KGD4: variants seen among roughly 807,000 people sequenced by gnomAD.
The protein encoded by KGD4 is alpha-ketoglutarate dehydrogenase subunit 4.
chr5:69,221,133 A>G, the KGD4 span, among the ~76,000 whole-genome samples: 1 of 151,454 alleles, frequency 6.6e-6, no homozygotes, highest in Non-Finnish European at 1.5e-5. Flanking sequence ...CTATTATCCT[A>G]TGACCCTGCC....
At chr5:69,222,604 T>G in the KGD4 span, among the ~76,000 whole-genome samples, 1 of 152,160 alleles carries the variant, frequency 6.6e-6, no homozygotes, top group African/African-American at 2.4e-5. Context: ...AGAGGGAGTC[T>G]CATCTTCTTG....
At chr5:69,223,422 G>A in the KGD4 span, among the ~76,000 whole-genome samples, 42 of 144,672 alleles carry the variant, frequency 2.9e-4, no homozygotes, top group African/African-American at 1.0e-3. Flanking sequence ...ATTTTATGGT[G>A]AGGGAGAGAA....
chr5:69,217,979 C>T, the KGD4 span: 1 of 1,580,340 alleles, frequency 6.3e-7, no homozygotes, highest in Non-Finnish European at 8.7e-7. Context: ...GGTGACCGCG[C>T]CTCTGCGGAG....
At chr5:69,218,171 A>G in the KGD4 span, 2 of 451,812 alleles carry the variant, frequency 4.4e-6, no homozygotes, top group Non-Finnish European at 7.9e-6. Flanking sequence ...TGTTAGTCTT[A>G]GGCGTGTGCG....
chr5:69,229,215 G>T, the KGD4 span: 2 of 1,609,870 alleles, frequency 1.2e-6, no homozygotes, highest in Non-Finnish European at 1.7e-6. Flanking sequence ...CAGCGTGGAG[G>T]TCCTGAATAA....
chr5:69,220,257 A>G, the KGD4 span, among the ~76,000 whole-genome samples: 1 of 151,848 alleles, frequency 6.6e-6, no homozygotes, highest in Non-Finnish European at 1.5e-5. Flanking sequence ...CATAGAGCTT[A>G]GAATTTGGTT....
chr5:69,223,894 G>A, the KGD4 span, among the ~76,000 whole-genome samples: 4 of 151,778 alleles, frequency 2.6e-5, no homozygotes, highest in Admixed American at 6.6e-5. Flanking sequence ...TTAGCCGGGT[G>A]TGGTGGCGGG....
chr5:69,217,911 G>A, the KGD4 span: 2 of 1,614,070 alleles, frequency 1.2e-6, no homozygotes, highest in Admixed American at 3.3e-5. Context: ...TGGGCGGTAG[G>A]GACGGTGCTG....
chr5:69,226,305 G>A, the KGD4 span: 2 of 1,435,322 alleles, frequency 1.4e-6, no homozygotes, highest in East Asian at 4.6e-5. Flanking sequence ...TAGTTAATGA[G>A]ATTGTTTTTC....
chr5:69,227,216 C>A, the KGD4 span, among the ~76,000 whole-genome samples: 114 of 152,256 alleles, frequency 7.5e-4, no homozygotes, highest in Admixed American at 3.9e-3. Context: ...GAAGATGTCT[C>A]TGAATTTCTA....
At chr5:69,222,950 A>AT in the KGD4 span, among the ~76,000 whole-genome samples, 1 of 136,096 alleles carries the variant, frequency 7.3e-6, no homozygotes, top group East Asian at 2.3e-4. Context: ...TAATTTTTTT[A>AT]TTTTTTTAGT....
chr5:69,218,935 G>T, the KGD4 span, among the ~76,000 whole-genome samples: 1 of 152,254 alleles, frequency 6.6e-6, no homozygotes, highest in Non-Finnish European at 1.5e-5. Context: ...ACTGACAAAG[G>T]TCTGTTATCC....
At chr5:69,223,110 G>T in the KGD4 span, among the ~76,000 whole-genome samples, 1 of 76,780 alleles carries the variant, frequency 1.3e-5, no homozygotes, top group Admixed American at 2.1e-4. Flanking sequence ...ACAAAGTCTT[G>T]CTCTTTCACC....
the KGD4 span, among the ~76,000 whole-genome samples, chr5:69,225,567 C>CT: frequency 0.092 from 11,051 of 120,254 alleles, 756 homozygotes; most frequent in South Asian, 0.15. Context: ...GCTCAGCCAC[C>CT]TTTTTTTTTT....
the KGD4 span, chr5:69,230,082 C>A: frequency 6.6e-6 from 1 of 151,744 alleles, no homozygotes; most frequent in Non-Finnish European, 1.5e-5. Context: ...TTTAATGGGG[C>A]CCCTCCTGTG....
chr5:69,229,087 A>T, the KGD4 span: 1 of 815,696 alleles, frequency 1.2e-6, no homozygotes, highest in Non-Finnish European at 2.0e-6. Flanking sequence ...CTAATTCAAA[A>T]CTATTTTTTA....
the KGD4 span, chr5:69,218,009 G>C: frequency 8.6e-6 from 12 of 1,395,688 alleles, no homozygotes; most frequent in Admixed American, 2.0e-4. Flanking sequence ...CGGCGCCCGC[G>C]GGTGTGTGTG....
chr5:69,224,783 A>T, the KGD4 span, among the ~76,000 whole-genome samples: 1 of 152,034 alleles, frequency 6.6e-6, no homozygotes, highest in Non-Finnish European at 1.5e-5. Context: ...TTAAAAAGTC[A>T]GTAAATTTCT....
At chr5:69,225,859 G>A in the KGD4 span, among the ~76,000 whole-genome samples, 174 of 152,250 alleles carry the variant, frequency 1.1e-3, 1 homozygote, top group African/African-American at 3.9e-3. Flanking sequence ...GATTATAGGC[G>A]TGAGCCATCA....
Sources: allele counts gnomAD v4.1 joint callset (sites outside exome capture counted in the v4.1 genomes callset), GRCh38; gene constraint gnomAD v4.1.1; transcripts MANE v1.5; gene names NCBI Gene and HGNC (gene_info 2026-07-23, HGNC 2026-07-21).